Variants in HMG20A observed in about 807,000 individuals in gnomAD.
The protein encoded by HMG20A is high mobility group 20A, also known as high mobility group protein 20A.
HMG20A carries 17 observed loss-of-function variants against 43.9 expected under a neutral mutation model. The ratio of observed to expected loss-of-function variants is 0.39; its 90% confidence interval spans 0.27 to 0.58. HMG20A has a LOEUF of 0.58. HMG20A is among the 20% of genes least tolerant of loss of function. HMG20A has a pLI of 0.59. For synonymous variants in HMG20A, 132 were observed against 147.5 expected (o/e 0.89, Z 0.76); for missense variants, 341 against 438.2 (o/e 0.78, Z 1.98).
downstream of HMG20A, among the ~76,000 whole-genome samples, chr15:77,490,119 A>G (rs1365553706): frequency 6.6e-6 from 1 of 151,946 alleles, no homozygotes; most frequent in Non-Finnish European, 1.5e-5. Context: ...GTATTTTTCT[A>G]CTAAAAATAC....
intron 7 of HMG20A, chr15:77,478,024 A>G: frequency 1.9e-6 from 1 of 531,126 alleles, no homozygotes; most frequent in Non-Finnish European, 3.4e-6. Context: ...TTAAAAAGCA[A>G]AAACTAACAA....
the HMG20A span, among the ~76,000 whole-genome samples, chr15:77,512,357 T>C: frequency 6.6e-6 from 1 of 152,162 alleles, no homozygotes; most frequent in South Asian, 2.1e-4. Context: ...GAGAATGTCC[T>C]TAATGCCATT....
At chr15:77,429,426 C>T (rs551299675) in intron 1 of HMG20A, among the ~76,000 whole-genome samples, 1 of 152,200 alleles carries the variant, frequency 6.6e-6, no homozygotes, top group East Asian at 1.9e-4. Context: ...CCCCCATGTC[C>T]ACATGTCCTT....
At chr15:77,441,378 A>C (rs1215766637) in intron 1 of HMG20A, among the ~76,000 whole-genome samples, 1 of 152,134 alleles carries the variant, frequency 6.6e-6, no homozygotes, top group Non-Finnish European at 1.5e-5. Context: ...TTGTGATTTT[A>C]TATTGAATTT....
Position 77,467,222 on chromosome 15 carries a change from G to A in HMG20A, c.365G>A (p.Arg122Gln). 1.9e-6 allele frequency: 3 copies of A among 1,614,076 alleles called. No individual in the cohort carries two copies. Among genetic ancestry groups the A allele is most frequent in the Non-Finnish European group, 2.5e-6 (3 of 1,179,992 alleles). The change falls in exon 4 of 10, where the codon CGA (arginine) becomes CAA (glutamine). Residue 122 changes from arginine to glutamine, a missense_variant. Coordinates refer to ENST00000336216, the MANE Select transcript of HMG20A (RefSeq NM_001304504.2). ...ATGAATGAGCGTCGAGAACAACTTC[G>A]AGCAAAGAGACCAGAAGTCCCATTT... is the stretch of plus-strand genomic sequence containing the variant. ...RFMNERREQL[R>Q]AKRPEVPFPE... is the part of the protein sequence containing the mutation.
At chr15:77,426,672 C>A (rs1408993025) in intron 1 of HMG20A, among the ~76,000 whole-genome samples, 1 of 151,948 alleles carries the variant, frequency 6.6e-6, no homozygotes, top group Non-Finnish European at 1.5e-5. Flanking sequence ...CAAAAAAAAT[C>A]CTGAAATATA....
intron 1 of HMG20A, among the ~76,000 whole-genome samples, chr15:77,451,600 G>A (rs2072602999): frequency 1.3e-5 from 2 of 152,172 alleles, no homozygotes; most frequent in African/African-American, 4.8e-5. Context: ...ATGGATACAG[G>A]GCCGACTTTT....
chr15:77,477,923 C>T (rs553771177), intron 7 of HMG20A, among the ~76,000 whole-genome samples: 1 of 152,312 alleles, frequency 6.6e-6, no homozygotes, highest in African/African-American at 2.4e-5. Flanking sequence ...CAAGTCTGAT[C>T]CCATTGTGGT....
At chr15:77,442,630 TGAGA>T (rs1327891989) in intron 1 of HMG20A, among the ~76,000 whole-genome samples, 7 of 152,188 alleles carry the variant, frequency 4.6e-5, no homozygotes, top group African/African-American at 1.2e-4. Flanking sequence ...CTAATTCTGA[TGAGA>T]GAGAGAAAGA....
chr15:77,470,485 G>A (rs2072796787), intron 4 of HMG20A, among the ~76,000 whole-genome samples: 1 of 152,176 alleles, frequency 6.6e-6, no homozygotes. Context: ...ATGGGCTGGA[G>A]ACAGCAAAAC....
the HMG20A span, among the ~76,000 whole-genome samples, chr15:77,508,574 C>A: frequency 6.6e-6 from 1 of 152,166 alleles, no homozygotes. Flanking sequence ...CTGCTGAACC[C>A]CACCCCTGGG....
rs767249539 is a variant in HMG20A at position 77,478,522 on chromosome 15, T to A, written c.907+12T>A. 1.9e-6 allele frequency: 3 copies of A among 1,604,182 alleles called. No individual in the cohort carries two copies. The highest frequency in any genetic ancestry group is 1.1e-5 in the South Asian group (1 of 90,796). The stretch of plus-strand genomic sequence containing the variant: ...CATGCCCTTGCCTGGTAAGTCCTCC[T>A]GCCTGAGAACTGTCAGTGACAGGGG... On this transcript the variant is annotated intron_variant, in intron 8 of 9. Coordinates refer to ENST00000336216, the MANE Select transcript of HMG20A (RefSeq NM_001304504.2).
chr15:77,501,809 C>T, the HMG20A span, among the ~76,000 whole-genome samples: 1 of 152,332 alleles, frequency 6.6e-6, no homozygotes, highest in African/African-American at 2.4e-5. Context: ...TTGGGAGCCA[C>T]TCTCTAGGAG....
chr15:77,513,990 C>T, the HMG20A span, among the ~76,000 whole-genome samples: 1 of 152,204 alleles, frequency 6.6e-6, no homozygotes, highest in African/African-American at 2.4e-5. Flanking sequence ...TCCCAAAGTG[C>T]TGGGATTACA....
the HMG20A span, among the ~76,000 whole-genome samples, chr15:77,512,616 A>G: frequency 6.6e-6 from 1 of 152,112 alleles, no homozygotes; most frequent in African/African-American, 2.4e-5. Flanking sequence ...CAAACTAATA[A>G]ATGTAGAAGG....
the HMG20A span, among the ~76,000 whole-genome samples, chr15:77,491,221 G>A: frequency 6.6e-6 from 1 of 152,244 alleles, no homozygotes; most frequent in Non-Finnish European, 1.5e-5. Flanking sequence ...GAAGGGTAAT[G>A]TGAGAAGACA....
chr15:77,494,175 G>T, the HMG20A span, among the ~76,000 whole-genome samples: 1 of 151,964 alleles, frequency 6.6e-6, no homozygotes, highest in African/African-American at 2.4e-5. Context: ...TGTTGCCCAG[G>T]CTGGTATGCA....
intron 4 of HMG20A, among the ~76,000 whole-genome samples, chr15:77,469,200 C>T (rs905469250): frequency 2.0e-5 from 3 of 148,034 alleles, no homozygotes; most frequent in Non-Finnish European, 4.5e-5. Flanking sequence ...TTTAAATTCT[C>T]CTTTGTCATT....
intron 6 of HMG20A, 64 bp downstream of exon 6, chr15:77,471,878 C>G: frequency 1.1e-6 from 1 of 890,154 alleles, no homozygotes; most frequent in South Asian, 2.0e-5. Context: ...TTTTGAAATG[C>G]TATTGGATTT....
Sources: allele counts gnomAD v4.1 joint callset (sites outside exome capture counted in the v4.1 genomes callset), GRCh38; gene constraint gnomAD v4.1.1; transcripts MANE v1.5; gene names NCBI Gene and HGNC (gene_info 2026-07-23, HGNC 2026-07-21).